The following DPP6 variants were observed in gnomAD, a reference collection of about 807,000 sequenced individuals.
DPP6 encodes the protein A-type potassium channel modulatory protein DPP6.
DPP6 carries 69 observed loss-of-function variants against 122.6 expected under a neutral mutation model. The observed-to-expected ratio is 0.56, with a 90% CI of 0.46 to 0.69. The LOEUF is 0.69. Ranked by LOEUF, DPP6 falls within the 30% of genes least tolerant of loss-of-function variation. The pLI, the probability that DPP6 is intolerant of heterozygous loss-of-function variation, is 0.00. For missense variants in DPP6, 928 were observed against 1,116.9 expected, an observed-to-expected ratio of 0.83 and a Z score of 2.41; for synonymous variants, 418 against 433.1, an observed-to-expected ratio of 0.97 and a Z score of 0.43.
intron 1 of DPP6, among the ~76,000 whole-genome samples, chr7:153,990,408 G>C (rs1443507745): frequency 1.2e-3 from 70 of 56,776 alleles, no homozygotes; most frequent in African/African-American, 5.5e-3. Context: ...TGCTCAGAAA[G>C]ACAACTCTTT....
intron 8 of DPP6, among the ~76,000 whole-genome samples, chr7:154,737,782 A>T (rs966579786): frequency 1.3e-5 from 2 of 152,224 alleles, no homozygotes; most frequent in Admixed American, 6.5e-5. Context: ...CCAGGCTTGA[A>T]CCATCTGTGC....
chr7:154,406,959 TCATC>T (rs1816170383), intron 1 of DPP6, among the ~76,000 whole-genome samples: 1 of 152,196 alleles, frequency 6.6e-6, no homozygotes, highest in Non-Finnish European at 1.5e-5. Flanking sequence ...TGTCACCTGA[TCATC>T]CACTAATAGC....
the DPP6 span, among the ~76,000 whole-genome samples, chr7:153,849,410 T>C: frequency 6.6e-6 from 1 of 152,102 alleles, no homozygotes; most frequent in African/African-American, 2.4e-5. Flanking sequence ...CTTGGGCCCT[T>C]ATCTTCCAGC....
rs1015654668 is a variant in DPP6 at position 154,436,731 on chromosome 7, C to T, written c.244-9483C>T. On this transcript the variant is annotated intron_variant, in intron 1 of 25. Transcript: ENST00000377770. ...TAGAAACAGAGGACAGCCAGTACCC[C>T]GCAGCTCCTGTACCTTGACTTCCTC... is the stretch of plus-strand genomic sequence containing the variant. Among the ~76,000 whole-genome samples, 12 of 152,256 alleles carry T rather than the reference C, an allele frequency of 7.9e-5. No homozygotes were observed. In the South Asian group the frequency reaches 1.0e-3, roughly 13 times the overall value.
At chr7:154,772,799 T>C (rs1411206463) in intron 9 of DPP6, 46 bp from the exon 10 acceptor site, 11 of 1,587,432 alleles carry the variant, frequency 6.9e-6, no homozygotes, top group Admixed American at 1.8e-5. Flanking sequence ...AGTTCACTCT[T>C]GTATAAGGCT....
chr7:154,216,411 G>A (rs1266348684), intron 1 of DPP6, among the ~76,000 whole-genome samples: 2 of 152,180 alleles, frequency 1.3e-5, no homozygotes, highest in Non-Finnish European at 2.9e-5. Context: ...TCATAACATA[G>A]GGATTTGGAA....
chr7:153,990,064 C>T (rs1369028991), intron 1 of DPP6, among the ~76,000 whole-genome samples: 1 of 131,458 alleles, frequency 7.6e-6, no homozygotes, highest in Non-Finnish European at 1.6e-5. Flanking sequence ...CAGCAAGCCC[C>T]GCCCCCTGCT....
At chr7:154,251,415 C>T (rs1291750404) in intron 1 of DPP6, among the ~76,000 whole-genome samples, 1 of 152,118 alleles carries the variant, frequency 6.6e-6, no homozygotes, top group African/African-American at 2.4e-5. Flanking sequence ...GTGCAGGTCT[C>T]CTAGGGAGAT....
intron 6 of DPP6, among the ~76,000 whole-genome samples, chr7:154,667,772 G>C (rs770066963): frequency 1.3e-5 from 2 of 152,164 alleles, no homozygotes; most frequent in South Asian, 2.1e-4. Flanking sequence ...TCTATTAACA[G>C]AACCTGCAAT....
intron 5 of DPP6, among the ~76,000 whole-genome samples, chr7:154,593,301 G>A (rs1035388027): frequency 6.6e-6 from 1 of 152,234 alleles, no homozygotes; most frequent in African/African-American, 2.4e-5. Flanking sequence ...CACACATCTT[G>A]ACTGAATAAT....
At chr7:153,947,558 C>T (rs1802006844) in intron 1 of DPP6, among the ~76,000 whole-genome samples, 1 of 152,150 alleles carries the variant, frequency 6.6e-6, no homozygotes, top group Non-Finnish European at 1.5e-5. Flanking sequence ...ATATGGAAGC[C>T]TTCCTAAGGC....
chr7:154,654,402 A>AATCT (rs200000961), intron 6 of DPP6, among the ~76,000 whole-genome samples: 6 of 20,444 alleles, frequency 2.9e-4, no homozygotes, highest in East Asian at 2.9e-3. Flanking sequence ...TCTATATCCA[A>AATCT]ATCTTTCTTT....
intron 1 of DPP6, among the ~76,000 whole-genome samples, chr7:153,894,104 T>C (rs1019725755): frequency 2.6e-5 from 4 of 152,120 alleles, no homozygotes; most frequent in Non-Finnish European, 2.9e-5. Flanking sequence ...TTAATGAAAA[T>C]GGAGTAAAGA....
At chr7:154,023,936 G>C (rs1432910156) in intron 1 of DPP6, among the ~76,000 whole-genome samples, 3 of 152,136 alleles carry the variant, frequency 2.0e-5, no homozygotes, top group African/African-American at 7.2e-5. Flanking sequence ...AGAATTTAGG[G>C]GTGCCCAACA....
the DPP6 span, among the ~76,000 whole-genome samples, chr7:153,808,857 C>T: frequency 6.6e-6 from 1 of 151,956 alleles, no homozygotes; most frequent in Non-Finnish European, 1.5e-5. Flanking sequence ...CATGGGAGTG[C>T]AGTTATCTCT....
chr7:154,377,390 G>A (rs550940914), intron 1 of DPP6, among the ~76,000 whole-genome samples: 10 of 152,230 alleles, frequency 6.6e-5, no homozygotes, highest in South Asian at 4.1e-4. Context: ...GACCAGTATC[G>A]TACCAGTGCT....
At chr7:153,802,970 C>T in the DPP6 span, among the ~76,000 whole-genome samples, 6 of 151,672 alleles carry the variant, frequency 4.0e-5, no homozygotes, top group African/African-American at 7.3e-5. Context: ...ATGCTCAGCC[C>T]GGCAGGCAGG....
chr7:154,216,685 C>G (rs571691367), intron 1 of DPP6, among the ~76,000 whole-genome samples: 13 of 152,196 alleles, frequency 8.5e-5, no homozygotes, highest in Non-Finnish European at 1.8e-4. Context: ...AGTGCCAGCT[C>G]CCCAGGCACT....
chr7:153,750,270 C>G, the DPP6 span, among the ~76,000 whole-genome samples: 2 of 152,090 alleles, frequency 1.3e-5, no homozygotes, highest in Non-Finnish European at 2.9e-5. Context: ...AGTCATTTCT[C>G]TGATCTCTGT....
Sources: allele counts gnomAD v4.1 joint callset (sites outside exome capture counted in the v4.1 genomes callset), GRCh38; gene constraint gnomAD v4.1.1; transcripts MANE v1.5; gene names NCBI Gene and HGNC (gene_info 2026-07-23, HGNC 2026-07-21).